WDR43: variants seen among roughly 807,000 people sequenced by gnomAD.
The protein encoded by WDR43 is WD repeat-containing protein 43.
A neutral mutation model predicts 91.4 loss-of-function variants in WDR43; 13 were observed. The observed-to-expected ratio is 0.14, with a 90% CI of 0.09 to 0.23. The LOEUF is 0.23. Ranked by LOEUF, WDR43 falls within the 10% of genes least tolerant of loss-of-function variation. The pLI, the probability that WDR43 is intolerant of heterozygous loss-of-function variation, is 1.00. For synonymous variants in WDR43, 331 were observed against 287.9 expected (o/e 1.15, Z -1.51); for missense variants, 780 against 809.4 (o/e 0.96, Z 0.44).
intron 16 of WDR43, among the ~76,000 whole-genome samples, chr2:28,944,770 C>T (rs954684574): frequency 2.6e-5 from 4 of 152,198 alleles, no homozygotes; most frequent in East Asian, 1.9e-4. Context: ...CTGCAACATT[C>T]GATTTGATAA....
At chr2:28,930,229 G>C in intron 11 of WDR43, 1 of 384,144 alleles carries the variant, frequency 2.6e-6, no homozygotes, top group South Asian at 2.0e-5. Flanking sequence ...TAGAAACTTT[G>C]TATAAAGGGA....
At chr2:28,930,172 C>G in intron 11 of WDR43, 1 of 467,496 alleles carries the variant, frequency 2.1e-6, no homozygotes, top group Non-Finnish European at 4.4e-6. Flanking sequence ...GGGGAAAATT[C>G]AAGAGGGTTG....
chr2:28,946,442 C>G lies in WDR43; in HGVS notation c.1805-8C>G, dbSNP rs1342522702. 1.9e-6 allele frequency: 3 copies of G among 1,607,282 alleles called. No homozygotes were observed. The highest frequency in any genetic ancestry group is 1.3e-5 in the African/African-American group (1 of 74,900). ...AAAATTAAGGCTGGGTTCTTTCTCC[C>G]CTTACAGAGTCTTCTGAAGAGGAGT... On this transcript the variant is annotated splice_region_variant and splice_polypyrimidine_tract_variant and intron_variant, in intron 16 of 17. Coordinates refer to ENST00000407426, the MANE Select transcript of WDR43 (RefSeq NM_015131.3).
intron 9 of WDR43, 160 bp from the exon 10 acceptor site, chr2:28,927,409 T>A (rs1471800406): frequency 1.1e-6 from 1 of 888,298 alleles, no homozygotes; most frequent in Non-Finnish European, 1.6e-6. Context: ...TTAAAAAGTT[T>A]GTCAACATTC....
At chr2:28,916,308 T>A (rs964839960) in intron 5 of WDR43, among the ~76,000 whole-genome samples, 12 of 152,188 alleles carry the variant, frequency 7.9e-5, no homozygotes, top group African/African-American at 2.9e-4. Flanking sequence ...TAGGTGTACG[T>A]TTAGCTTTTC....
rs146726800 is a variant in WDR43, at chr2:28,942,098, T to C, written c.1735-214T>C. Among the ~76,000 whole-genome samples the C allele has an allele frequency of 1.1e-3, 171 of 152,306 alleles. 2 individuals carry two copies. Among genetic ancestry groups the C allele is most frequent in the Non-Finnish European group, 2.5e-4 (17 of 68,026 alleles). The stretch of plus-strand genomic sequence containing the variant: ...GTTAAAATTTTGGCACAGAAAGATA[T>C]TCTAATCACCTCAGAGTTTTTCAGC... On this transcript the variant is annotated intron_variant, in intron 15 of 17. Transcript: ENST00000407426.
intron 1 of WDR43, among the ~76,000 whole-genome samples, chr2:28,896,076 A>G (rs773282420): frequency 1.3e-5 from 2 of 152,222 alleles, no homozygotes; most frequent in African/African-American, 2.4e-5. Flanking sequence ...ATCAGGGCTT[A>G]TAAGTCAAAC....
rs372605923 is a variant in WDR43, at chr2:28,922,563, C to A, written c.850-356C>A. ...AGAGAGGCGATGAGGTCTTACAACA[C>A]CCCTTCCTAGCCATACAGGCAAAAT... On this transcript the variant is annotated intron_variant, in intron 6 of 17. Coordinates refer to ENST00000407426, the MANE Select transcript of WDR43 (RefSeq NM_015131.3). Among the ~76,000 whole-genome samples the A allele has an allele frequency of 9.8e-5, 15 of 152,286 alleles. No homozygotes were observed. The East Asian group carries it at 1.2e-3, about 12-fold the overall frequency.
intron 7 of WDR43, among the ~76,000 whole-genome samples, chr2:28,923,652 T>G (rs1671078289): frequency 6.6e-6 from 1 of 152,150 alleles, no homozygotes; most frequent in South Asian, 2.1e-4. Flanking sequence ...AAGTGTATAC[T>G]CATTTCAAAA....
chr2:28,929,515 T>A (rs1671201746), intron 10 of WDR43, 64 bp from the exon 11 acceptor site: 7 of 1,349,852 alleles, frequency 5.2e-6, no homozygotes, highest in African/African-American at 1.5e-5. Context: ...ATTTTATTTT[T>A]TTTGTCTCCA....
rs1179848914 is a variant in WDR43 at position 28,910,731 on chromosome 2, C to T, written c.486-1859C>T. On this transcript the variant is annotated intron_variant, in intron 3 of 17. Transcript: ENST00000407426. ...TTATTTTTTTTGAGATAGGGTCTCA[C>T]TCCGTCACCCAGGTGGAGTGCAGCA... Among the ~76,000 whole-genome samples, 3 of 148,362 alleles carry T rather than the reference C, an allele frequency of 2.0e-5. No homozygotes were observed. The Admixed American group carries it at 2.1e-4, about 11-fold the overall frequency.
At position 28,911,025 on chromosome 2, in the gene WDR43, A is replaced by T. The variant is rs557222554; in HGVS notation, c.486-1565A>T. On this transcript the variant is annotated intron_variant, in intron 3 of 17. Transcript: ENST00000407426. ...TTTTTACTTATATTTTAATTTTATG[A>T]CTTATTTGTGGAGCAGAAGTTTTAT... Among the ~76,000 whole-genome samples the T allele has an allele frequency of 4.7e-5, 7 of 149,882 alleles. No individual in the cohort carries two copies. In the South Asian group the frequency reaches 1.5e-3, roughly 31 times the overall value.
At chr2:28,944,143 TC>T (rs918471247) in intron 16 of WDR43, among the ~76,000 whole-genome samples, 1 of 152,132 alleles carries the variant, frequency 6.6e-6, no homozygotes, top group African/African-American at 2.4e-5. Flanking sequence ...AAACAACATA[TC>T]CAAAAAATAG....
chr2:28,909,012 T>C (rs1413481916), intron 3 of WDR43, among the ~76,000 whole-genome samples: 4 of 152,208 alleles, frequency 2.6e-5, no homozygotes, highest in Non-Finnish European at 5.9e-5. Context: ...TAGGTCATTC[T>C]CTATTAGTGG....
intron 11 of WDR43, among the ~76,000 whole-genome samples, chr2:28,933,325 C>T (rs532221757): frequency 9.9e-5 from 15 of 152,076 alleles, no homozygotes; most frequent in Non-Finnish European, 2.1e-4. Context: ...AGAAATAAAC[C>T]ACATGCAATT....
At chr2:28,927,299 A>G (rs1216669259) in intron 9 of WDR43, 5 of 455,232 alleles carry the variant, frequency 1.1e-5, no homozygotes, top group African/African-American at 5.9e-5. Flanking sequence ...GTGACACTAA[A>G]TATTTAATAA....
intron 14 of WDR43, among the ~76,000 whole-genome samples, chr2:28,938,782 G>A (rs1318358535): frequency 6.6e-6 from 1 of 152,208 alleles, no homozygotes; most frequent in African/African-American, 2.4e-5. Context: ...TTTGAGGTCA[G>A]CAGTTTGTTC....
At chr2:28,903,468 C>A (rs1670615243) in intron 2 of WDR43, among the ~76,000 whole-genome samples, 1 of 152,142 alleles carries the variant, frequency 6.6e-6, no homozygotes, top group Non-Finnish European at 1.5e-5. Flanking sequence ...AAAACAGCAA[C>A]AACGACAACA....
intron 1 of WDR43, among the ~76,000 whole-genome samples, chr2:28,899,972 G>A (rs1670548690): frequency 6.6e-6 from 1 of 152,096 alleles, no homozygotes; most frequent in Admixed American, 6.5e-5. Context: ...AAAAAATACA[G>A]AGATTTGCAG....
Sources: allele counts gnomAD v4.1 joint callset (sites outside exome capture counted in the v4.1 genomes callset), GRCh38; gene constraint gnomAD v4.1.1; transcripts MANE v1.5; gene names NCBI Gene and HGNC (gene_info 2026-07-23, HGNC 2026-07-21).